NRG1: variants seen among roughly 807,000 people sequenced by gnomAD.
NRG1 encodes the protein pro-neuregulin-1, membrane-bound isoform.
Under a neutral mutation model 63.8 loss-of-function variants are expected in NRG1, and 18 were observed. That is an observed-to-expected ratio of 0.28 (90% CI 0.19 to 0.42). The LOEUF (loss-of-function observed/expected upper bound fraction) is 0.42. Among genes scored for constraint, NRG1 ranks in the 10% least tolerant of loss-of-function variants. The probability of loss-of-function intolerance (pLI) is 1.00; values close to 1 mark genes in which losing one functional copy is unlikely to be tolerated. For missense variants in NRG1, 762 were observed against 814.7 expected (o/e 0.94, Z 0.79); for synonymous variants, 302 against 301.3 (o/e 1.00, Z -0.02).
chr8:31,855,795 T>G (rs559485025), intron 1 of NRG1, among the ~76,000 whole-genome samples: 5 of 152,322 alleles, frequency 3.3e-5, no homozygotes, highest in Non-Finnish European at 5.9e-5. Context: ...GGAGCTCTTT[T>G]AGGGCAGGCC....
At chr8:31,890,806 G>A (rs1339932864) in intron 1 of NRG1, among the ~76,000 whole-genome samples, 1 of 152,182 alleles carries the variant, frequency 6.6e-6, no homozygotes, top group Non-Finnish European at 1.5e-5. Context: ...GTGACCTAAT[G>A]TTCGGACAGA....
chr8:32,282,250 T>C (rs1280821440), intron 1 of NRG1, among the ~76,000 whole-genome samples: 17 of 152,164 alleles, frequency 1.1e-4, no homozygotes. Flanking sequence ...GGCTGGACAA[T>C]AGGTCTCTCT....
At chr8:31,818,088 A>G (rs1346032866) in intron 1 of NRG1, among the ~76,000 whole-genome samples, 1 of 152,202 alleles carries the variant, frequency 6.6e-6, no homozygotes, top group African/African-American at 2.4e-5. Flanking sequence ...TGTTATAAGA[A>G]AGATATTTAT....
chr8:32,219,777 T>C (rs1050539250), intron 1 of NRG1, among the ~76,000 whole-genome samples: 1 of 152,222 alleles, frequency 6.6e-6, no homozygotes, highest in Non-Finnish European at 1.5e-5. Flanking sequence ...TGTGAAGTTG[T>C]TTAATTAAAG....
chr8:31,692,685 C>G (rs568881790), intron 1 of NRG1, among the ~76,000 whole-genome samples: 27 of 152,260 alleles, frequency 1.8e-4, no homozygotes, highest in Admixed American at 1.8e-3. Context: ...AATAGGACAG[C>G]CACTATGCTT....
chr8:32,668,945 C>T (rs1804922073), intron 5 of NRG1, among the ~76,000 whole-genome samples: 1 of 152,056 alleles, frequency 6.6e-6, no homozygotes, highest in Non-Finnish European at 1.5e-5. Context: ...GAATTGTTTC[C>T]TTGATGTTCC....
chr8:32,112,299 A>C (rs1832131556), intron 1 of NRG1, among the ~76,000 whole-genome samples: 1 of 152,230 alleles, frequency 6.6e-6, no homozygotes, highest in East Asian at 1.9e-4. Context: ...AATCAGAATT[A>C]TTCCAGAAAG....
In NRG1 at chr8:31,756,431, A is replaced by T. The variant is rs148849081; in HGVS notation, c.37+117000A>T. Among the ~76,000 whole-genome samples the T allele has an allele frequency of 3.8e-3, 583 of 152,166 alleles. 1 individual carries two copies. The highest frequency in any genetic ancestry group is 0.02 in the Middle Eastern group (6 of 294). On this transcript the variant is annotated intron_variant, in intron 1 of 10. Transcript: ENST00000519301. ...GAAGTCAGTGAAGTCAACCTCCTGG[A>T]CACAGCTTTTTCCCAAGCTGACCCT...
intron 1 of NRG1, among the ~76,000 whole-genome samples, chr8:32,447,148 TA>T (rs1294581437): frequency 6.6e-6 from 1 of 151,856 alleles, no homozygotes; most frequent in African/African-American, 2.4e-5. Context: ...GCCTCCCACG[TA>T]GCTGGGATTA....
chr8:32,585,430 C>T (rs977811402), intron 1 of NRG1, among the ~76,000 whole-genome samples: 7 of 152,188 alleles, frequency 4.6e-5, no homozygotes, highest in African/African-American at 1.7e-4. Flanking sequence ...CTGCTGAACA[C>T]TTACCTTCCA....
chr8:32,076,786 C>T (rs1310447683), intron 1 of NRG1, among the ~76,000 whole-genome samples: 1 of 151,680 alleles, frequency 6.6e-6, no homozygotes, highest in Non-Finnish European at 1.5e-5. Context: ...ATGATTGTGC[C>T]AAATTATTAT....
chr8:31,675,413 G>C (rs1280369207), intron 1 of NRG1, among the ~76,000 whole-genome samples: 1 of 152,212 alleles, frequency 6.6e-6, no homozygotes, highest in Non-Finnish European at 1.5e-5. Context: ...AGGCAAAGAT[G>C]AAGCTTTACT....
intron 5 of NRG1, among the ~76,000 whole-genome samples, chr8:32,669,362 A>G (rs908304453): frequency 6.6e-6 from 1 of 152,172 alleles, no homozygotes; most frequent in African/African-American, 2.4e-5. Context: ...GCTGAGGTCC[A>G]CTTGAACCCT....
chr8:32,157,903 C>T (rs918456693), intron 1 of NRG1, among the ~76,000 whole-genome samples: 1 of 152,058 alleles, frequency 6.6e-6, no homozygotes, highest in Non-Finnish European at 1.5e-5. Flanking sequence ...GGAAACGGCA[C>T]GGCTTCTTTC....
At chr8:32,412,447 T>C (rs35348745) in intron 1 of NRG1, among the ~76,000 whole-genome samples, 7,465 of 55,312 alleles carry the variant, frequency 0.13, 538 homozygotes, top group East Asian at 0.52. Context: ...TATATATATA[T>C]ATATACATAT....
intron 1 of NRG1, among the ~76,000 whole-genome samples, chr8:32,414,516 C>T (rs1815580146): frequency 6.6e-6 from 1 of 152,192 alleles, no homozygotes; most frequent in Admixed American, 6.5e-5. Context: ...CACAAGACAG[C>T]CGTCCGTGTC....
chr8:32,647,560 C>T (rs1038124004), intron 5 of NRG1: 5 of 985,320 alleles, frequency 5.1e-6, no homozygotes, highest in Non-Finnish European at 4.8e-6. Context: ...TTTCTTCCCC[C>T]CTTGCATCTT....
intron 1 of NRG1, among the ~76,000 whole-genome samples, chr8:32,306,766 G>A (rs1018882418): frequency 1.3e-5 from 2 of 152,156 alleles, no homozygotes; most frequent in Non-Finnish European, 2.9e-5. Context: ...TTCATTTTCC[G>A]ATGAAGTTTT....
intron 1 of NRG1, among the ~76,000 whole-genome samples, chr8:32,317,831 T>A (rs545461327): frequency 6.6e-6 from 1 of 152,336 alleles, no homozygotes; most frequent in South Asian, 2.1e-4. Context: ...CATTTTTGGC[T>A]GTATTCTAGT....
Sources: allele counts gnomAD v4.1 joint callset (sites outside exome capture counted in the v4.1 genomes callset), GRCh38; gene constraint gnomAD v4.1.1; transcripts MANE v1.5; gene names NCBI Gene and HGNC (gene_info 2026-07-23, HGNC 2026-07-21).